Variants in RORA observed in about 807,000 individuals in gnomAD.
RORA encodes nuclear receptor ROR-alpha.
In RORA, 7 loss-of-function variants were observed where a neutral mutation model predicts 69.5. The observed-to-expected ratio is 0.10, with a 90% CI of 0.06 to 0.19. The LOEUF is 0.19. RORA is among the 10% of genes least tolerant of loss of function. RORA has a pLI of 1.00. For missense variants in RORA, 457 were observed against 663.0 expected (o/e 0.69, Z 3.41); for synonymous variants, 261 against 240.8 (o/e 1.08, Z -0.78).
chr15:60,674,391 C>T (rs188972099), intron 2 of RORA, among the ~76,000 whole-genome samples: 2 of 152,280 alleles, frequency 1.3e-5, no homozygotes. Context: ...TTTGTGATAT[C>T]AATGAATGCC....
chr15:60,930,007 A>G (rs1437155107), intron 1 of RORA, among the ~76,000 whole-genome samples: 8 of 152,062 alleles, frequency 5.3e-5, no homozygotes, highest in African/African-American at 1.9e-4. Context: ...AATGCTCTCT[A>G]TTTGTGTTAC....
chr15:60,537,532 G>A lies in RORA; in HGVS notation c.197-5681C>T, dbSNP rs1420930705. ...ATGGGAGGCCCCAGGACACCATAAG[G>A]GTTTGCAGAGAGCTCTCATTACATC... On this transcript the variant is annotated intron_variant, in intron 2 of 10. Coordinates refer to ENST00000335670, the MANE Select transcript of RORA (RefSeq NM_134261.3). This position sits in a 1 kb window ranked among gnomAD's most constrained non-coding sequence, Gnocchi z 4.9. Among the ~76,000 whole-genome samples the A allele has an allele frequency of 6.6e-6, 1 of 152,162 alleles. No homozygotes were observed. Among genetic ancestry groups the A allele is most frequent in the Non-Finnish European group, 1.5e-5 (1 of 68,038 alleles).
chr15:60,822,240 C>G (rs2072902656), intron 1 of RORA, among the ~76,000 whole-genome samples: 1 of 152,162 alleles, frequency 6.6e-6, no homozygotes, highest in African/African-American at 2.4e-5. Flanking sequence ...AGTTCAAGAG[C>G]CTCATTTTGC....
At chr15:60,921,889 T>C (rs900329463) in intron 1 of RORA, among the ~76,000 whole-genome samples, 18 of 152,192 alleles carry the variant, frequency 1.2e-4, no homozygotes, top group African/African-American at 3.4e-4. Context: ...TATATGGTCA[T>C]TCATTTTTAA....
intron 1 of RORA, among the ~76,000 whole-genome samples, chr15:60,938,920 G>T (rs187476000): frequency 6.6e-6 from 1 of 152,196 alleles, no homozygotes; most frequent in African/African-American, 2.4e-5. Flanking sequence ...AAAGGCACTG[G>T]CCCATGCCCG....
chr15:60,865,748 T>C (rs2140429836), intron 1 of RORA, among the ~76,000 whole-genome samples: 1 of 152,290 alleles, frequency 6.6e-6, no homozygotes, highest in South Asian at 2.1e-4. Flanking sequence ...CCAGCCTGCA[T>C]TGAATGGGTT....
At chr15:61,118,693 G>A (rs905809462) in intron 1 of RORA, among the ~76,000 whole-genome samples, 6 of 152,030 alleles carry the variant, frequency 3.9e-5, no homozygotes, top group African/African-American at 9.7e-5. Flanking sequence ...GGGGGATCGC[G>A]TTTTCCTTCT....
At chr15:60,751,204 CA>C (rs1412110232) in intron 1 of RORA, among the ~76,000 whole-genome samples, 2 of 152,164 alleles carry the variant, frequency 1.3e-5, no homozygotes, top group Non-Finnish European at 2.9e-5. Flanking sequence ...ACAACCTGTC[CA>C]TGGTTCACTT....
At chr15:60,948,114 G>A (rs1434581075) in intron 1 of RORA, among the ~76,000 whole-genome samples, 1 of 152,114 alleles carries the variant, frequency 6.6e-6, no homozygotes, top group Non-Finnish European at 1.5e-5. Context: ...CAGGTCATGC[G>A]AGACATGCCC....
Position 60,562,776 on chromosome 15 carries a change from T to A in RORA, c.197-30925A>T, listed in dbSNP as rs186386597. ...TTTTTTGTAGAGATAGGGGTCTTGC[T>A]ATGTTGCCCAGGCTGCTCTCAAACT... On this transcript the variant is annotated intron_variant, in intron 2 of 10. Transcript: ENST00000335670. 8.9e-4 allele frequency among the ~76,000 whole-genome samples: 136 copies of A among 152,098 alleles called. 1 individual carries two copies. Among genetic ancestry groups the A allele is most frequent in the African/African-American group, 3.0e-3 (124 of 41,502 alleles).
At chr15:60,591,092 C>T (rs1006167706) in intron 2 of RORA, among the ~76,000 whole-genome samples, 5 of 152,238 alleles carry the variant, frequency 3.3e-5, no homozygotes, top group Non-Finnish European at 4.4e-5. Context: ...CAACCCCAAA[C>T]TAGCAAACGT....
rs1303458820 is a variant in RORA, at chr15:60,511,824, A to G, written c.425-203T>C. ...CTCCCCAACAGCAAACACACATCCCAGAGAAACTCATGTTTCAGAAAGAGG... is the reference window on the plus strand; with the variant it reads ...CTCCCCAACAGCAAACACACATCCCGGAGAAACTCATGTTTCAGAAAGAGG... On this transcript the variant is annotated intron_variant, in intron 4 of 10. Transcript: ENST00000335670. This position sits in a 1 kb window ranked among gnomAD's most constrained non-coding sequence, Gnocchi z 6.4. Among the ~76,000 whole-genome samples the G allele has an allele frequency of 2.0e-5, 3 of 152,140 alleles. No individual in the cohort carries two copies. The highest frequency in any genetic ancestry group is 3.9e-4 in the East Asian group (2 of 5,184).
chr15:61,012,775 G>A (rs750771632), intron 1 of RORA, among the ~76,000 whole-genome samples: 8 of 151,994 alleles, frequency 5.3e-5, no homozygotes, highest in African/African-American at 2.4e-5. Flanking sequence ...TCAGCCTCCT[G>A]AGTATCTGGG....
intron 1 of RORA, among the ~76,000 whole-genome samples, chr15:61,197,015 A>G (rs2079851190): frequency 6.6e-6 from 1 of 152,216 alleles, no homozygotes; most frequent in South Asian, 2.1e-4. Flanking sequence ...GGAAACAACA[A>G]AAATTTAAAG....
At chr15:60,811,848 C>G (rs1300802519) in intron 1 of RORA, among the ~76,000 whole-genome samples, 1 of 152,114 alleles carries the variant, frequency 6.6e-6, no homozygotes, top group African/African-American at 2.4e-5. Flanking sequence ...AGCCAAGGAC[C>G]AAGGTGTGTT....
chr15:60,706,119 T>C (rs941327089), intron 1 of RORA: 8 of 152,172 alleles, frequency 5.3e-5, no homozygotes, highest in African/African-American at 1.7e-4. Flanking sequence ...GAAGAATCAA[T>C]TGAGTTTGAG....
At chr15:61,076,501 A>G (rs1595954714) in intron 1 of RORA, among the ~76,000 whole-genome samples, 1 of 152,348 alleles carries the variant, frequency 6.6e-6, no homozygotes, top group East Asian at 1.9e-4. Flanking sequence ...CGTGCAAGCT[A>G]AAGATAGACT....
At chr15:60,572,301 T>C (rs1252848392) in intron 2 of RORA, among the ~76,000 whole-genome samples, 1 of 152,200 alleles carries the variant, frequency 6.6e-6, no homozygotes, top group African/African-American at 2.4e-5. Flanking sequence ...GAAATGTGTA[T>C]GTTGGGGGAA....
intron 1 of RORA, among the ~76,000 whole-genome samples, chr15:61,202,496 C>A (rs993197540): frequency 6.6e-6 from 1 of 152,130 alleles, no homozygotes; most frequent in Non-Finnish European, 1.5e-5. Context: ...TAAGAAGAAA[C>A]GTACAGATGA....
Sources: allele counts gnomAD v4.1 joint callset (sites outside exome capture counted in the v4.1 genomes callset), GRCh38; gene constraint gnomAD v4.1.1; non-coding constraint Gnocchi (gnomAD v3.1); transcripts MANE v1.5; gene names NCBI Gene and HGNC (gene_info 2026-07-23, HGNC 2026-07-21).